DPF2: variants seen among roughly 807,000 people sequenced by gnomAD.
DPF2 encodes zinc finger protein ubi-d4.
DPF2 carries 10 observed loss-of-function variants against 59.6 expected under a neutral mutation model. That is an observed-to-expected ratio of 0.17 (90% CI 0.10 to 0.28). The LOEUF (loss-of-function observed/expected upper bound fraction) is 0.28, where lower values mean the gene tolerates loss of function less well. Among genes scored for constraint, DPF2 ranks in the 10% least tolerant of loss-of-function variants. The pLI, the probability that DPF2 is intolerant of heterozygous loss-of-function variation, is 1.00. For synonymous variants in DPF2, 189 were observed against 190.6 expected (o/e 0.99, Z 0.07); for missense variants, 315 against 509.4 (o/e 0.62, Z 3.67).
Position 65,340,961 on chromosome 11 carries a change from C to A in DPF2, c.194-5C>A. 1 of 1,613,772 alleles carries A rather than the reference C, an allele frequency of 6.2e-7. No homozygotes were observed. The highest frequency in any genetic ancestry group is 1.1e-5 in the South Asian group (1 of 91,034). Reference sequence around the variant, plus strand: ...GCCTGACTTCTATCTTTCTTCCTGCCACAGGATTGGCCTCCGGACAGCTGT... The same window carrying A: ...GCCTGACTTCTATCTTTCTTCCTGCAACAGGATTGGCCTCCGGACAGCTGT... On this transcript the variant is annotated splice_region_variant and splice_polypyrimidine_tract_variant and intron_variant, in intron 2 of 10. Coordinates refer to ENST00000528416, the MANE Select transcript of DPF2 (RefSeq NM_006268.5).
intron 6 of DPF2, chr11:65,344,551 T>C: frequency 6.5e-7 from 1 of 1,535,700 alleles, no homozygotes; most frequent in Non-Finnish European, 8.7e-7. Flanking sequence ...CAAGGCCTTC[T>C]TCTCATGACT....
At position 65,341,200 on chromosome 11, in the gene DPF2, C is replaced by A. The variant is rs555684892; in HGVS notation, c.301+127C>A. On this transcript the variant is annotated intron_variant, in intron 3 of 10. Coordinates refer to ENST00000528416, the MANE Select transcript of DPF2 (RefSeq NM_006268.5). The stretch of plus-strand genomic sequence containing the variant: ...CAAATGAATATGATGTGATTCTTTC[C>A]TTTAAGGACCTCAGTCTAGAAGGGG... 4.0e-6 allele frequency: 5 copies of A among 1,260,168 alleles called. No homozygotes were observed. The African/African-American group carries it at 7.5e-5, about 19-fold the overall frequency. 78.1% of individuals were successfully genotyped at this position (1,260,168 alleles called of 1,614,324 possible).
chr11:65,334,793 G>A (rs1950074115), intron 1 of DPF2, among the ~76,000 whole-genome samples: 1 of 152,184 alleles, frequency 6.6e-6, no homozygotes, highest in Non-Finnish European at 1.5e-5. Context: ...GGCGAATAGA[G>A]CTTCTTTTAA....
At position 65,341,076 on chromosome 11, in the gene DPF2, A is replaced by G. The variant is rs2307267; in HGVS notation, c.301+3A>G. The G allele has an allele frequency of 0.011, 18,080 of 1,613,944 alleles. 161 individuals carry two copies. Among genetic ancestry groups the G allele is most frequent in the Non-Finnish European group, 0.013 (14,957 of 1,179,978 alleles). On this transcript the variant is annotated splice_donor_region_variant and intron_variant, in intron 3 of 10. Coordinates refer to ENST00000528416, the MANE Select transcript of DPF2 (RefSeq NM_006268.5). Reference sequence around the variant, plus strand: ...TTCCTTCCCATCTATTAAGCCAGGTAAGGCACATACTTCCTGAGCAGAGGC... The same window carrying G: ...TTCCTTCCCATCTATTAAGCCAGGTGAGGCACATACTTCCTGAGCAGAGGC...
At chr11:65,346,415 T>C (rs1029260502) in intron 9 of DPF2, 56 bp downstream of exon 9, 4 of 1,491,370 alleles carry the variant, frequency 2.7e-6, no homozygotes, top group Non-Finnish European at 3.7e-6. Flanking sequence ...TACTGCTGTT[T>C]GCACAGTTCC....
At chr11:65,349,847 A>G (rs1218277934) in intron 10 of DPF2, among the ~76,000 whole-genome samples, 4 of 152,090 alleles carry the variant, frequency 2.6e-5, no homozygotes, top group Admixed American at 6.6e-5. Context: ...CTCAGAACAC[A>G]AATGCCCAGG....
intron 8 of DPF2, 24 bp from the exon 9 acceptor site, chr11:65,346,223 T>C: frequency 6.2e-7 from 1 of 1,612,680 alleles, no homozygotes; most frequent in South Asian, 1.1e-5. Context: ...CGACTGTCTG[T>C]CTCACTCACT....
Position 65,346,372 on chromosome 11 carries a change from G to A in DPF2, c.1017+13G>A, listed in dbSNP as rs751055861. On this transcript the variant is annotated intron_variant, in intron 9 of 10. Transcript: ENST00000528416. ...CTCCGAGAATGACGTGTGTATCCCC[G>A]CCCCCTCCTCAGCATGGCTCCTTCT... The A allele has an allele frequency of 1.2e-5, 20 of 1,604,852 alleles. No homozygotes were observed. The highest frequency in any genetic ancestry group is 6.6e-5 in the South Asian group (6 of 90,712).
chr11:65,346,326 A>G lies in DPF2; in HGVS notation c.984A>G (p.Lys328=). Residue 328 remains lysine (K), a synonymous_variant, in exon 9 of 11, where the codon AAA becomes AAG. Transcript: ENST00000528416. ...KTYRWQCIEC[K]CCNICGTSEN... The stretch of plus-strand genomic sequence containing the variant: ...ACCGCTGGCAGTGCATCGAGTGCAA[A>G]TGTTGCAATATCTGCGGCACCTCCG... The G allele has an allele frequency of 6.2e-7, 1 of 1,613,378 alleles. No homozygotes were observed. The highest frequency in any genetic ancestry group is 1.1e-5 in the South Asian group (1 of 91,070).
Position 65,349,521 on chromosome 11 carries a change from C to T in DPF2, c.1099+590C>T, listed in dbSNP as rs571862822. On this transcript the variant is annotated intron_variant, in intron 10 of 10. Transcript: ENST00000528416. The stretch of plus-strand genomic sequence containing the variant: ...GTACAGAAATTGAGTAGCAGCTGGG[C>T]GCGGTGGCTCAAGCCTGTAATCCCA... 5.4e-4 allele frequency among the ~76,000 whole-genome samples: 82 copies of T among 152,236 alleles called. No individual in the cohort carries two copies. In the East Asian group the frequency reaches 7.9e-3, roughly 15 times the overall value.
At chr11:65,334,556 C>G (rs1459699527) in intron 1 of DPF2, among the ~76,000 whole-genome samples, 1 of 152,092 alleles carries the variant, frequency 6.6e-6, no homozygotes, top group Admixed American at 6.5e-5. Flanking sequence ...GCAACTGGAC[C>G]GAAGCCGTTC....
chr11:65,344,898 C>T (rs1854482288), intron 6 of DPF2: 3 of 445,598 alleles, frequency 6.7e-6, no homozygotes, highest in Non-Finnish European at 1.2e-5. Context: ...CAATCAGACC[C>T]TTCCGCTCCC....
chr11:65,340,651 A>G (rs551511142), intron 2 of DPF2, 106 bp downstream of exon 2: 3 of 1,449,998 alleles, frequency 2.1e-6, no homozygotes, highest in Middle Eastern at 2.1e-4. Flanking sequence ...ACTGCCTTCC[A>G]CCTATGGATG....
intron 1 of DPF2, among the ~76,000 whole-genome samples, chr11:65,337,400 C>G (rs1345557815): frequency 7.2e-6 from 1 of 139,428 alleles, no homozygotes; most frequent in Admixed American, 7.7e-5. Context: ...CTGCAGTGAG[C>G]CGAGATTGCA....
Position 65,345,647 on chromosome 11 carries a change from C to T in DPF2, c.638-19C>T. ...TCTTGTATCCTAACACCTTTCTCTG[C>T]AATCTTCTTCCCACTCAGTTTGTGG... On this transcript the variant is annotated intron_variant, in intron 6 of 10. Coordinates refer to ENST00000528416, the MANE Select transcript of DPF2 (RefSeq NM_006268.5). 1.9e-6 allele frequency: 3 copies of T among 1,613,774 alleles called. No homozygotes were observed. In the Admixed American group the frequency reaches 5.0e-5, roughly 27 times the overall value.
At position 65,351,829 on chromosome 11, in the gene DPF2, T is replaced by C. The variant is rs539496082; in HGVS notation, c.*70T>C. The stretch of plus-strand genomic sequence containing the variant: ...TCCTCCACTTCATATTTCATACCCA[T>C]CTTTCCCTTCTTCCTCCTCTCCTTC... On this transcript the variant is annotated 3_prime_UTR_variant, in exon 11 of 11. Coordinates refer to ENST00000528416, the MANE Select transcript of DPF2 (RefSeq NM_006268.5). 8.0e-5 allele frequency: 120 copies of C among 1,507,200 alleles called. No homozygotes were observed. In the South Asian group the frequency reaches 1.1e-3, roughly 14 times the overall value. 93.4% of individuals were successfully genotyped at this position (1,507,200 alleles called of 1,614,324 possible). A position where few individuals can be genotyped will look rare whatever the true frequency, so the allele number is the denominator to read the frequency against.
intron 6 of DPF2, chr11:65,345,342 C>A: frequency 3.4e-6 from 1 of 292,886 alleles, no homozygotes; most frequent in South Asian, 6.4e-5. Context: ...TGACCTGGAG[C>A]GTCCCAGACT....
intron 1 of DPF2, among the ~76,000 whole-genome samples, chr11:65,334,247 C>A (rs1006948297): frequency 2.6e-5 from 4 of 152,202 alleles, no homozygotes; most frequent in Non-Finnish European, 2.9e-5. Context: ...TCTCCCGAGA[C>A]GCCTCAGTCC....
intron 10 of DPF2, among the ~76,000 whole-genome samples, 167 bp downstream of exon 10, chr11:65,349,098 G>C (rs1016972091): frequency 1.3e-5 from 2 of 152,030 alleles, no homozygotes; most frequent in African/African-American, 4.8e-5. Context: ...CAACTTAAAG[G>C]GTTTAGTGTT....
Sources: allele counts gnomAD v4.1 joint callset (sites outside exome capture counted in the v4.1 genomes callset), GRCh38; gene constraint gnomAD v4.1.1; transcripts MANE v1.5; gene names NCBI Gene and HGNC (gene_info 2026-07-23, HGNC 2026-07-21).